The following CCSER1 variants were observed in gnomAD, a reference collection of about 807,000 sequenced individuals.
CCSER1 encodes coiled-coil serine rich protein 1.
Under a neutral mutation model 82.0 loss-of-function variants are expected in CCSER1, and 41 were observed. The observed-to-expected ratio is 0.50, with a 90% CI of 0.39 to 0.65. The LOEUF is 0.65. CCSER1 is among the 30% of genes least tolerant of loss of function. The pLI is 0.00. For synonymous variants in CCSER1, 414 were observed against 383.9 expected (o/e 1.08, Z -0.92); for missense variants, 1,119 against 1,064.2 (o/e 1.05, Z -0.72).
chr4:90,513,602 T>G (rs951305275), intron 5 of CCSER1, among the ~76,000 whole-genome samples: 1 of 152,188 alleles, frequency 6.6e-6, no homozygotes, highest in African/African-American at 2.4e-5. Flanking sequence ...CAGTGCTTGA[T>G]TGATTCAGAG....
chr4:91,179,776 A>T (rs1020123452), intron 10 of CCSER1, among the ~76,000 whole-genome samples: 5 of 152,104 alleles, frequency 3.3e-5, no homozygotes, highest in African/African-American at 1.2e-4. Context: ...GAAGTTTGTT[A>T]TTACAGATTG....
chr4:91,583,276 TAATAA>T (rs971845110), intron 10 of CCSER1, among the ~76,000 whole-genome samples: 19 of 151,444 alleles, frequency 1.3e-4, no homozygotes, highest in African/African-American at 3.1e-4. Context: ...TAAATCAATT[TAATAA>T]AATAATCAGT....
At chr4:90,903,680 A>G (rs1234956586) in intron 8 of CCSER1, among the ~76,000 whole-genome samples, 1 of 152,058 alleles carries the variant, frequency 6.6e-6, no homozygotes, top group African/African-American at 2.4e-5. Flanking sequence ...ATCTACTTCA[A>G]TACAAAAATT....
In CCSER1 at chr4:91,050,099, C is replaced by T. The variant is rs114658413; in HGVS notation, c.2173-35851C>T. Among the ~76,000 whole-genome samples, 1,316 of 152,228 alleles carry T rather than the reference C, an allele frequency of 8.6e-3. 20 individuals carry two copies. Among genetic ancestry groups the T allele is most frequent in the African/African-American group, 0.031 (1,268 of 41,540 alleles). On this transcript the variant is annotated intron_variant, in intron 9 of 10. Coordinates refer to ENST00000509176, the MANE Select transcript of CCSER1 (RefSeq NM_001145065.2). Reference sequence around the variant, plus strand: ...ATATACACATTTGTGAATAAATATACATATTTAGGATTGTATGTATACAAT... The same window carrying T: ...ATATACACATTTGTGAATAAATATATATATTTAGGATTGTATGTATACAAT...
chr4:90,188,092 A>G (rs1282633819), intron 1 of CCSER1, among the ~76,000 whole-genome samples: 3 of 151,872 alleles, frequency 2.0e-5, no homozygotes. Flanking sequence ...GGCAAAAGAA[A>G]CGTGTTTAAA....
chr4:91,446,886 T>C (rs1424655905), intron 10 of CCSER1, among the ~76,000 whole-genome samples: 1 of 152,024 alleles, frequency 6.6e-6, no homozygotes, highest in Admixed American at 6.6e-5. Flanking sequence ...ATATATTGAA[T>C]TTCTTCTTGA....
chr4:91,221,487 T>C (rs1212570181), intron 10 of CCSER1, among the ~76,000 whole-genome samples: 3 of 152,166 alleles, frequency 2.0e-5, no homozygotes. Context: ...ATTAAGAGCT[T>C]TAAAAGGTTA....
At chr4:90,924,260 T>G (rs1055654633) in intron 9 of CCSER1, among the ~76,000 whole-genome samples, 19 of 152,156 alleles carry the variant, frequency 1.2e-4, no homozygotes, top group African/African-American at 2.9e-4. Flanking sequence ...TTAAGTTTTA[T>G]GATGATGAAT....
At chr4:90,472,756 A>G (rs1363922114) in intron 5 of CCSER1, among the ~76,000 whole-genome samples, 4 of 152,190 alleles carry the variant, frequency 2.6e-5, no homozygotes, top group Non-Finnish European at 5.9e-5. Context: ...TCATAAGCAT[A>G]GAATGCTGGG....
intron 10 of CCSER1, among the ~76,000 whole-genome samples, chr4:91,392,961 T>C (rs541319187): frequency 2.6e-5 from 4 of 152,164 alleles, no homozygotes; most frequent in African/African-American, 9.6e-5. Context: ...AAGTCAGATA[T>C]AGGGCTGAGG....
intron 1 of CCSER1, among the ~76,000 whole-genome samples, chr4:90,210,302 T>C (rs896958986): frequency 1.1e-4 from 17 of 152,214 alleles, no homozygotes; most frequent in African/African-American, 3.9e-4. Context: ...TACACAAAAA[T>C]AATTTAAAAT....
At chr4:90,334,019 T>C (rs1197615702) in intron 3 of CCSER1, among the ~76,000 whole-genome samples, 1 of 152,170 alleles carries the variant, frequency 6.6e-6, no homozygotes, top group Non-Finnish European at 1.5e-5. Flanking sequence ...TGGGAAAGCC[T>C]TTTAGGTAAT....
At chr4:90,411,956 C>G (rs557279749) in intron 4 of CCSER1, among the ~76,000 whole-genome samples, 99 of 152,112 alleles carry the variant, frequency 6.5e-4, no homozygotes, top group Non-Finnish European at 1.0e-3. Context: ...GCAAAAATCA[C>G]AGGCATTCTT....
At chr4:90,201,244 T>A (rs1277450350) in intron 1 of CCSER1, among the ~76,000 whole-genome samples, 1 of 152,158 alleles carries the variant, frequency 6.6e-6, no homozygotes, top group Non-Finnish European at 1.5e-5. Context: ...CTTGGTGCAA[T>A]AAATCAGCGT....
chr4:91,340,683 C>A (rs1747666092), intron 10 of CCSER1, among the ~76,000 whole-genome samples: 1 of 152,128 alleles, frequency 6.6e-6, no homozygotes, highest in East Asian at 1.9e-4. Flanking sequence ...GCTTATAAAT[C>A]TAATTTAATG....
intron 8 of CCSER1, among the ~76,000 whole-genome samples, chr4:90,873,737 A>G (rs1476785264): frequency 2.6e-5 from 4 of 152,044 alleles, no homozygotes; most frequent in Non-Finnish European, 1.5e-5. Flanking sequence ...CATTTTTGAG[A>G]GGAAAAAGGC....
intron 10 of CCSER1, among the ~76,000 whole-genome samples, chr4:91,449,963 C>A (rs1001304798): frequency 6.6e-6 from 1 of 151,928 alleles, no homozygotes; most frequent in African/African-American, 2.4e-5. Flanking sequence ...ATGAGTTAAC[C>A]ATTTTTTATT....
intron 5 of CCSER1, among the ~76,000 whole-genome samples, chr4:90,583,315 G>A (rs1781627012): frequency 6.6e-6 from 1 of 151,964 alleles, no homozygotes; most frequent in Non-Finnish European, 1.5e-5. Flanking sequence ...TAGGGTGCCC[G>A]CCACTACGCC....
At chr4:91,017,722 T>A (rs1204914061) in intron 9 of CCSER1, among the ~76,000 whole-genome samples, 1 of 152,024 alleles carries the variant, frequency 6.6e-6, no homozygotes, top group African/African-American at 2.4e-5. Flanking sequence ...ACTTAGAAAT[T>A]TGTCTAAGTT....
Sources: allele counts gnomAD v4.1 joint callset (sites outside exome capture counted in the v4.1 genomes callset), GRCh38; gene constraint gnomAD v4.1.1; transcripts MANE v1.5; gene names NCBI Gene and HGNC (gene_info 2026-07-23, HGNC 2026-07-21).